The following FYB2 variants were observed in gnomAD, a reference collection of about 807,000 sequenced individuals.
FYB2 encodes the protein FYN-binding protein 2.
A neutral mutation model predicts 94.1 loss-of-function variants in FYB2; 103 were observed. The ratio of observed to expected loss-of-function variants is 1.09; its 90% CI spans 0.93 to 1.29. The LOEUF is 1.29. Among genes scored for constraint, FYB2 ranks in the 50% most tolerant of loss-of-function variants. The pLI, the probability that FYB2 is intolerant of heterozygous loss-of-function variation, is 0.00. For missense variants in FYB2, 896 were observed against 841.5 expected (o/e 1.06, Z -0.80); for synonymous variants, 293 against 287.9 (o/e 1.02, Z -0.18).
the FYB2 span, among the ~76,000 whole-genome samples, chr1:56,825,613 A>G: frequency 6.6e-6 from 1 of 152,186 alleles, no homozygotes; most frequent in East Asian, 1.9e-4. Context: ...GAATCATATG[A>G]GTACTCATAC....
intron 2 of FYB2, among the ~76,000 whole-genome samples, chr1:56,791,545 G>A (rs1377777199): frequency 1.3e-5 from 2 of 152,162 alleles, no homozygotes; most frequent in African/African-American, 4.8e-5. Context: ...ACCGTGCCCA[G>A]CCAGTCCTTA....
chr1:56,750,921 G>T lies in FYB2; in HGVS notation c.1387+123C>A, dbSNP rs1557608132. 10 of 1,160,318 alleles carry T rather than the reference G, an allele frequency of 8.6e-6. No homozygotes were observed. The East Asian group carries it at 1.5e-4, about 17-fold the overall frequency. The allele number at this position is 1,160,318 out of a possible 1,614,324, so 71.9% of individuals were successfully genotyped here. A position where few individuals can be genotyped will look rare whatever the true frequency, so the allele number is the denominator to read the frequency against. On this transcript the variant is annotated intron_variant, in intron 9 of 19. Coordinates refer to ENST00000343433, the MANE Select transcript of FYB2 (RefSeq NM_001004303.5). ...ACTACTGCACAGCTTCCTCACTAGG[G>T]CAAGTTGCTTGGCACAAAATAGATG...
intron 4 of FYB2, 98 bp downstream of exon 4, chr1:56,787,077 T>C: frequency 2.3e-6 from 3 of 1,322,988 alleles, no homozygotes; most frequent in East Asian, 2.3e-5. Context: ...TTCTGAGAAA[T>C]ACAGATTCTT....
upstream of FYB2, among the ~76,000 whole-genome samples, chr1:56,822,876 T>A (rs1247640590): frequency 6.6e-6 from 1 of 151,398 alleles, no homozygotes; most frequent in Non-Finnish European, 1.5e-5. Context: ...AGATTGATTG[T>A]CAGAGTTAGG....
At chr1:56,730,869 A>G (rs1048312930) in intron 15 of FYB2, among the ~76,000 whole-genome samples, 1 of 152,132 alleles carries the variant, frequency 6.6e-6, no homozygotes, top group Non-Finnish European at 1.5e-5. Flanking sequence ...ATGAACATAG[A>G]CACAAAAATC....
intron 1 of FYB2, among the ~76,000 whole-genome samples, chr1:56,806,638 C>T (rs776887898): frequency 6.6e-6 from 1 of 152,178 alleles, no homozygotes; most frequent in East Asian, 1.9e-4. Context: ...AATCCCCTCA[C>T]TCAAGGCACA....
chr1:56,754,711 C>G (rs1315918076), intron 7 of FYB2, among the ~76,000 whole-genome samples: 1 of 152,076 alleles, frequency 6.6e-6, no homozygotes, highest in Non-Finnish European at 1.5e-5. Flanking sequence ...TCATTTTACC[C>G]TCCAAGTAAC....
intron 4 of FYB2, among the ~76,000 whole-genome samples, chr1:56,785,657 T>A (rs1646117648): frequency 6.6e-6 from 1 of 152,182 alleles, no homozygotes; most frequent in Admixed American, 6.5e-5. Context: ...ATAATCCCGT[T>A]TCTATACCAT....
At chr1:56,743,949 A>T (rs1326534812) in intron 11 of FYB2, 77 bp downstream of exon 11, 1 of 1,439,086 alleles carries the variant, frequency 6.9e-7, no homozygotes, top group Non-Finnish European at 9.5e-7. Flanking sequence ...TAATTAAAAG[A>T]CATCTTATCA....
intron 4 of FYB2, among the ~76,000 whole-genome samples, chr1:56,777,756 G>A (rs747625790): frequency 6.6e-6 from 1 of 151,970 alleles, no homozygotes. Context: ...TTCTGTCCAC[G>A]TTTCATCTGC....
chr1:56,771,203 A>G (rs1046843860), intron 4 of FYB2, among the ~76,000 whole-genome samples: 4 of 151,454 alleles, frequency 2.6e-5, no homozygotes, highest in Non-Finnish European at 5.9e-5. Context: ...AATGGTAAAA[A>G]TTTACAACAA....
chr1:56,761,013 C>G (rs1426374539), intron 5 of FYB2, among the ~76,000 whole-genome samples: 1 of 152,136 alleles, frequency 6.6e-6, no homozygotes, highest in African/African-American at 2.4e-5. Context: ...TTATATAACC[C>G]TCTCTCCACT....
chr1:56,781,831 C>A (rs1359945715), intron 4 of FYB2, among the ~76,000 whole-genome samples: 1 of 152,148 alleles, frequency 6.6e-6, no homozygotes, highest in Non-Finnish European at 1.5e-5. Context: ...AAGATTCCAA[C>A]CCCTTTCTCC....
At chr1:56,801,984 G>A (rs757248724) in intron 1 of FYB2, among the ~76,000 whole-genome samples, 1 of 152,162 alleles carries the variant, frequency 6.6e-6, no homozygotes, top group Non-Finnish European at 1.5e-5. Context: ...GGCTGGAATT[G>A]TCTATTAGAG....
chr1:56,795,336 T>C (rs925427614), intron 1 of FYB2, among the ~76,000 whole-genome samples: 2 of 152,156 alleles, frequency 1.3e-5, no homozygotes, highest in Non-Finnish European at 2.9e-5. Context: ...CTAAATAATA[T>C]ATCATAGTGT....
intron 1 of FYB2, among the ~76,000 whole-genome samples, chr1:56,795,285 C>T (rs1006878186): frequency 6.6e-6 from 1 of 151,842 alleles, no homozygotes; most frequent in Non-Finnish European, 1.5e-5. Flanking sequence ...CAAGGTTTAG[C>T]CATGTTGAAG....
At chr1:56,765,093 C>A (rs549726849) in intron 5 of FYB2, among the ~76,000 whole-genome samples, 1 of 152,298 alleles carries the variant, frequency 6.6e-6, no homozygotes, top group South Asian at 2.1e-4. Flanking sequence ...GAGAAAACAG[C>A]ACCTCATCAC....
Position 56,751,014 on chromosome 1 carries a change from TGAA to T in FYB2, c.1387+27_1387+29del, listed in dbSNP as rs775794280. 28 of 1,599,950 alleles carry T rather than the reference TGAA, an allele frequency of 1.8e-5. No homozygotes were observed. The African/African-American group carries it at 2.3e-4, about 13-fold the overall frequency. On this transcript the variant is annotated intron_variant, in intron 9 of 19. Coordinates refer to ENST00000343433, the MANE Select transcript of FYB2 (RefSeq NM_001004303.5). ...TCAGCTATAAAACAAATTGTAATGA[TGAA>T]GAAGATCAGAAAGAAATGCAACTTA...
intron 4 of FYB2, among the ~76,000 whole-genome samples, chr1:56,771,939 C>T (rs1645766637): frequency 6.8e-6 from 1 of 147,400 alleles, no homozygotes; most frequent in South Asian, 2.1e-4. Context: ...TGCATATTTT[C>T]TAGAAAATAT....
Sources: gnomAD v4.1 joint callset for allele counts (sites outside exome capture counted in the v4.1 genomes callset) on GRCh38, gnomAD v4.1.1 for gene constraint, MANE v1.5 for transcripts, NCBI Gene and HGNC (gene_info 2026-07-23, HGNC 2026-07-21) for gene names.